Variants in IL1RAP observed in about 807,000 individuals in gnomAD.
IL1RAP encodes interleukin 1 receptor accessory protein, also known as interleukin-1 receptor accessory protein.
In IL1RAP, 35 loss-of-function variants were observed where a neutral mutation model predicts 60.7. That is an observed-to-expected ratio of 0.58 (90% CI 0.44 to 0.76). IL1RAP has a LOEUF of 0.76. Ranked by LOEUF, IL1RAP falls within the 30% of genes least tolerant of loss-of-function variation. IL1RAP has a pLI of 0.00. For synonymous variants in IL1RAP, 268 were observed against 250.9 expected, an observed-to-expected ratio of 1.07 and a Z score of -0.64; for missense variants, 572 against 693.9, an observed-to-expected ratio of 0.82 and a Z score of 1.97.
At chr3:190,638,829 A>G (rs114312371) in intron 9 of IL1RAP, among the ~76,000 whole-genome samples, 179 of 152,004 alleles carry the variant, frequency 1.2e-3, no homozygotes, top group African/African-American at 4.1e-3. Context: ...AAAGATTTTT[A>G]CTTTCTCATT....
At chr3:190,534,474 G>GATCC (rs1182072082) in intron 1 of IL1RAP, among the ~76,000 whole-genome samples, 1 of 152,110 alleles carries the variant, frequency 6.6e-6, no homozygotes, top group Admixed American at 6.5e-5. Context: ...TTAGAGATCC[G>GATCC]ATCCAGTGCT....
Position 190,645,775 on chromosome 3 carries a change from T to C in IL1RAP, c.1278T>C (p.Arg426=). 6.2e-7 allele frequency: 1 copy of C among 1,613,294 alleles called. No individual in the cohort carries two copies. The highest frequency in any genetic ancestry group is 8.5e-7 in the Non-Finnish European group (1 of 1,179,330). ...EEEEFVLLTL[R]GVLENEFGYK... is the part of the protein sequence containing the mutation. ...AAGAATTTGTATTACTGACCCTCCG[T>C]GGAGTTTTGGAGAATGAATTTGGAT... The change falls in exon 11 of 12, where the codon CGT becomes CGC. Residue 426 remains arginine (R), a synonymous_variant. Coordinates refer to ENST00000447382, the MANE Select transcript of IL1RAP (RefSeq NM_002182.4).
chr3:190,532,092 G>A (rs1723035309), intron 1 of IL1RAP, among the ~76,000 whole-genome samples: 1 of 152,064 alleles, frequency 6.6e-6, no homozygotes, highest in Non-Finnish European at 1.5e-5. Context: ...GTATCATGCT[G>A]CTTCTCTTGT....
chr3:190,515,031 C>G (rs529160379), intron 1 of IL1RAP, among the ~76,000 whole-genome samples: 1 of 152,294 alleles, frequency 6.6e-6, no homozygotes, highest in Non-Finnish European at 1.5e-5. Context: ...GCCTGTCTTC[C>G]CTCCACCTTC....
intron 3 of IL1RAP, among the ~76,000 whole-genome samples, chr3:190,570,994 G>A (rs1021729824): frequency 6.6e-6 from 1 of 152,120 alleles, no homozygotes; most frequent in Non-Finnish European, 1.5e-5. Context: ...GCCACCCAGT[G>A]CTACCAAGAC....
At chr3:190,556,371 AT>A (rs200956204) in intron 2 of IL1RAP, among the ~76,000 whole-genome samples, 155 bp downstream of exon 2, 1,932 of 152,114 alleles carry the variant, frequency 0.013, 48 homozygotes, top group African/African-American at 0.045. Context: ...AATATATAGC[AT>A]TTTTTATATA....
intron 3 of IL1RAP, among the ~76,000 whole-genome samples, chr3:190,590,206 G>A (rs1156308837): frequency 6.6e-6 from 1 of 151,308 alleles, no homozygotes; most frequent in Non-Finnish European, 1.5e-5. Context: ...ACATATATTT[G>A]TGACATGTAC....
In IL1RAP at chr3:190,579,813, A is replaced by G. The variant is rs1341410095; in HGVS notation, c.64+15460A>G. Among the ~76,000 whole-genome samples, 6 of 152,166 alleles carry G rather than the reference A, an allele frequency of 3.9e-5. No homozygotes were observed. In the East Asian group the frequency reaches 9.6e-4, roughly 24 times the overall value. ...TAGATTTGCCTATTCCGGATATTTC[A>G]TACAAGTGGGATGATATTATATGTG... is the stretch of plus-strand genomic sequence containing the variant. On this transcript the variant is annotated intron_variant, in intron 3 of 11. Coordinates refer to ENST00000447382, the MANE Select transcript of IL1RAP (RefSeq NM_002182.4).
chr3:190,648,241 G>C, intron 11 of IL1RAP, 97 bp from the exon 12 acceptor site: 1 of 1,474,866 alleles, frequency 6.8e-7, no homozygotes, highest in Non-Finnish European at 9.1e-7. Context: ...CAATTCTTAG[G>C]CTGGTACCCT....
chr3:190,597,873 A>G (rs1260655026), intron 3 of IL1RAP, among the ~76,000 whole-genome samples: 1 of 152,130 alleles, frequency 6.6e-6, no homozygotes, highest in Non-Finnish European at 1.5e-5. Flanking sequence ...CATGTCGCTC[A>G]TCATCTATCT....
At chr3:190,558,233 G>T (rs1292677771) in intron 2 of IL1RAP, among the ~76,000 whole-genome samples, 1 of 152,114 alleles carries the variant, frequency 6.6e-6, no homozygotes, top group African/African-American at 2.4e-5. Flanking sequence ...ATTAATAATA[G>T]GGCTTCTACA....
chr3:190,583,384 G>GTATATAT (rs1353574929), intron 3 of IL1RAP, among the ~76,000 whole-genome samples: 32 of 152,316 alleles, frequency 2.1e-4, no homozygotes, highest in Non-Finnish European at 4.4e-4. Context: ...AGATAACAAG[G>GTATATAT]TATATATGCC....
In IL1RAP at chr3:190,558,215, T is replaced by A. The variant is rs144445301; in HGVS notation, c.-2+1999T>A. Among the ~76,000 whole-genome samples the A allele has an allele frequency of 2.6e-5, 4 of 152,328 alleles. No individual in the cohort carries two copies. The East Asian group carries it at 7.7e-4, about 29-fold the overall frequency. On this transcript the variant is annotated intron_variant, in intron 2 of 11. Transcript: ENST00000447382. ...GAATGACAATTGAATTGTTTCCAGC[T>A]TTAGGCAATTAATAATAGGGCTTCT...
Position 190,629,351 on chromosome 3 carries a change from A to G in IL1RAP, c.904A>G (p.Ile302Val), listed in dbSNP as rs1419858443. The change falls in exon 9 of 12, where the codon ATA becomes GTA. Residue 302 changes from isoleucine to valine, a missense_variant and splice_region_variant. Coordinates refer to ENST00000447382, the MANE Select transcript of IL1RAP (RefSeq NM_002182.4). ...TGATTTTCTTCTCTCTATTTCTAGT[A>G]TAAGTCATAGTAGAACAGAAGATGA... ...ITIDVTINES[I>V]SHSRTEDETR... The G allele has an allele frequency of 6.3e-6, 10 of 1,597,386 alleles. No homozygotes were observed. The highest frequency in any genetic ancestry group is 8.6e-6 in the Non-Finnish European group (10 of 1,169,164).
intron 3 of IL1RAP, among the ~76,000 whole-genome samples, chr3:190,573,839 A>G (rs1312871902): frequency 6.6e-6 from 1 of 152,206 alleles, no homozygotes; most frequent in Non-Finnish European, 1.5e-5. Context: ...GGTATGTAAT[A>G]GGAAGGAAGG....
chr3:190,655,114 G>T (rs1436311467), downstream of IL1RAP, among the ~76,000 whole-genome samples: 1 of 152,110 alleles, frequency 6.6e-6, no homozygotes, highest in Non-Finnish European at 1.5e-5. Context: ...TGAACTGTCC[G>T]ATGTTGTGTC....
At chr3:190,643,626 A>T (rs1733812888) in intron 9 of IL1RAP, among the ~76,000 whole-genome samples, 1 of 152,212 alleles carries the variant, frequency 6.6e-6, no homozygotes, top group African/African-American at 2.4e-5. Flanking sequence ...TGAACATGGG[A>T]AATAACTTCC....
chr3:190,619,484 T>C (rs1223665723), intron 5 of IL1RAP, among the ~76,000 whole-genome samples: 1 of 152,138 alleles, frequency 6.6e-6, no homozygotes, highest in Admixed American at 6.5e-5. Flanking sequence ...GCTAACACTT[T>C]GGGAGGCCCA....
chr3:190,604,174 G>A lies in IL1RAP; in HGVS notation c.111G>A (p.Val37=), dbSNP rs919845449. ...TAGACACCATGAGGCAAATCCAAGT[G>A]TTTGAAGATGAGCCAGCTCGCATCA... is the stretch of plus-strand genomic sequence containing the variant. The part of the protein sequence containing the change: ...WGLDTMRQIQ[V]FEDEPARIKC... The change falls in exon 4 of 12, where the codon GTG becomes GTA. Residue 37 remains valine, a synonymous_variant. Transcript: ENST00000447382. 3.1e-6 allele frequency: 5 copies of A among 1,613,936 alleles called. No individual in the cohort carries two copies. The highest frequency in any genetic ancestry group is 4.2e-6 in the Non-Finnish European group (5 of 1,179,988).
Sources: gnomAD v4.1 joint callset for allele counts (sites outside exome capture counted in the v4.1 genomes callset) on GRCh38, gnomAD v4.1.1 for gene constraint, MANE v1.5 for transcripts, NCBI Gene and HGNC (gene_info 2026-07-23, HGNC 2026-07-21) for gene names.